The following ERI3 variants were observed in gnomAD, a reference collection of about 807,000 sequenced individuals.
ERI3 encodes ERI1 exoribonuclease family member 3, also known as ERI1 exoribonuclease 3.
ERI3 carries 18 observed loss-of-function variants against 44.4 expected under a neutral mutation model. The observed-to-expected ratio is 0.41, with a 90% CI of 0.28 to 0.60. The LOEUF is 0.60. Ranked by LOEUF, ERI3 falls within the 20% of genes least tolerant of loss-of-function variation. The pLI, the probability that ERI3 is intolerant of heterozygous loss-of-function variation, is 0.36. For missense variants in ERI3, 294 were observed against 435.5 expected (o/e 0.68, Z 2.89); for synonymous variants, 183 against 164.8 (o/e 1.11, Z -0.84).
At chr1:44,257,693 T>TCTG (rs1557793027) in intron 7 of ERI3, among the ~76,000 whole-genome samples, 1 of 152,190 alleles carries the variant, frequency 6.6e-6, no homozygotes, top group African/African-American at 2.4e-5. Context: ...CAGAATTCCC[T>TCTG]CTGCTACTGC....
chr1:44,262,355 T>C (rs1644911651), intron 7 of ERI3, among the ~76,000 whole-genome samples: 2 of 152,202 alleles, frequency 1.3e-5, no homozygotes, highest in African/African-American at 4.8e-5. Flanking sequence ...ACTCCCTCTC[T>C]GGAAATCCAG....
At chr1:44,295,360 T>A (rs1437046645) in intron 6 of ERI3, among the ~76,000 whole-genome samples, 4 of 152,250 alleles carry the variant, frequency 2.6e-5, no homozygotes, top group African/African-American at 9.6e-5. Flanking sequence ...AGCATTTGTG[T>A]TGTGCCTTCA....
chr1:44,250,767 A>G (rs927653294), intron 7 of ERI3, among the ~76,000 whole-genome samples: 1 of 152,152 alleles, frequency 6.6e-6, no homozygotes, highest in African/African-American at 2.4e-5. Flanking sequence ...GCGCATGCAC[A>G]TGGGTCTGCC....
intron 7 of ERI3, among the ~76,000 whole-genome samples, chr1:44,277,688 C>T (rs1645206263): frequency 6.6e-6 from 1 of 152,196 alleles, no homozygotes; most frequent in Non-Finnish European, 1.5e-5. Flanking sequence ...TTCTGCAATA[C>T]CACACTCTTA....
At chr1:44,288,191 G>A (rs951603446) in intron 6 of ERI3, among the ~76,000 whole-genome samples, 1 of 152,162 alleles carries the variant, frequency 6.6e-6, no homozygotes, top group Non-Finnish European at 1.5e-5. Flanking sequence ...ATATGGCTCA[G>A]CAGCAGTCCT....
At chr1:44,354,327 C>T in intron 1 of ERI3, 11 of 985,424 alleles carry the variant, frequency 1.1e-5, no homozygotes, top group Non-Finnish European at 1.3e-5. Flanking sequence ...AGGACAAAAT[C>T]CAAACCCCCA....
chr1:44,233,139 C>T (rs1644224655), intron 8 of ERI3, among the ~76,000 whole-genome samples: 1 of 152,192 alleles, frequency 6.6e-6, no homozygotes, highest in African/African-American at 2.4e-5. Context: ...AGTCATCAGC[C>T]TCAGCTGGGT....
At chr1:44,322,874 A>C (rs1373692651) in intron 3 of ERI3, 1 of 1,545,570 alleles carries the variant, frequency 6.5e-7, no homozygotes. Flanking sequence ...AACATTTTGA[A>C]GATTTTTAGC....
At chr1:44,329,648 A>G (rs190108300) in intron 3 of ERI3, among the ~76,000 whole-genome samples, 1 of 152,276 alleles carries the variant, frequency 6.6e-6, no homozygotes, top group African/African-American at 2.4e-5. Context: ...TTATTATCCT[A>G]TCTACCTAAC....
intron 3 of ERI3, among the ~76,000 whole-genome samples, chr1:44,330,266 C>A (rs1341871759): frequency 1.3e-5 from 2 of 152,248 alleles, no homozygotes; most frequent in African/African-American, 4.8e-5. Flanking sequence ...CCTCTGCCAG[C>A]ACCTAACCCT....
chr1:44,335,771 C>A (rs1236831211), intron 3 of ERI3, among the ~76,000 whole-genome samples: 3 of 143,420 alleles, frequency 2.1e-5, no homozygotes, highest in African/African-American at 7.7e-5. Flanking sequence ...AGCGAAACTC[C>A]ATCTCAAAAA....
rs756054000 is a variant in ERI3, at chr1:44,221,664, G to A, written c.932-24C>T. 1 of 1,598,286 alleles carries A rather than the reference G, an allele frequency of 6.3e-7. No homozygotes were observed. Among genetic ancestry groups the A allele is most frequent in the Non-Finnish European group, 8.6e-7 (1 of 1,165,566 alleles). ...GTCTAAAAAGGAGAGAAGACATTTA[G>A]ATCAGCCCCAGATCCTTCCCCTCCA... On this transcript the variant is annotated intron_variant, in intron 8 of 8. Coordinates refer to ENST00000372257, the MANE Select transcript of ERI3 (RefSeq NM_024066.3). The surrounding 1 kb of genome is among the most constrained non-coding windows in gnomAD (Gnocchi z 5.9).
chr1:44,351,438 C>T (rs544791557), intron 2 of ERI3, among the ~76,000 whole-genome samples: 2 of 152,314 alleles, frequency 1.3e-5, no homozygotes, highest in East Asian at 3.9e-4. Flanking sequence ...AACTATGTCC[C>T]ATGGGCCAAA....
In ERI3 at chr1:44,241,867, C is replaced by T; in HGVS notation, c.931+6072G>A. Reference sequence around the variant, plus strand: ...ACATACATACAGGAGAACCTTCTTCCATCCATCTGTCCATCAACTCACCCA... The same window carrying T: ...ACATACATACAGGAGAACCTTCTTCTATCCATCTGTCCATCAACTCACCCA... On this transcript the variant is annotated intron_variant, in intron 8 of 8. Transcript: ENST00000372257. The surrounding 1 kb of genome is among the most constrained non-coding windows in gnomAD (Gnocchi z 5.6). 1.4e-6 allele frequency: 1 copy of T among 734,244 alleles called. No homozygotes were observed. Among genetic ancestry groups the T allele is most frequent in the Non-Finnish European group, 1.7e-6 (1 of 600,746 alleles). The allele number at this position is 734,244 out of a possible 1,614,324, so 45.5% of individuals were successfully genotyped here.
At chr1:44,257,240 G>A (rs926837808) in intron 7 of ERI3, among the ~76,000 whole-genome samples, 3 of 151,778 alleles carry the variant, frequency 2.0e-5, no homozygotes, top group Middle Eastern at 3.2e-3. Flanking sequence ...TGCACTAATC[G>A]CATTATTACA....
At position 44,252,528 on chromosome 1, in the gene ERI3, C is replaced by T. The variant is rs142001904; in HGVS notation, c.832-4490G>A. On this transcript the variant is annotated intron_variant, in intron 7 of 8. Coordinates refer to ENST00000372257, the MANE Select transcript of ERI3 (RefSeq NM_024066.3). The surrounding 1 kb of genome is among the most constrained non-coding windows in gnomAD (Gnocchi z 4.7). ...CGCAGCCTGCTATTACATGCAAACA[C>T]TGATCGCCCTGTGAAATTACATTGC... Among the ~76,000 whole-genome samples, 145 of 152,340 alleles carry T rather than the reference C, an allele frequency of 9.5e-4. No homozygotes were observed. Among genetic ancestry groups the T allele is most frequent in the African/African-American group, 3.3e-3 (136 of 41,584 alleles).
At chr1:44,232,715 G>A (rs1360741901) in intron 8 of ERI3, among the ~76,000 whole-genome samples, 3 of 152,154 alleles carry the variant, frequency 2.0e-5, no homozygotes, top group East Asian at 1.9e-4. Flanking sequence ...TTTCCCTTTA[G>A]GTATCATTCC....
At chr1:44,256,696 G>A (rs572220766) in intron 7 of ERI3, 1 of 152,380 alleles carries the variant, frequency 6.6e-6, no homozygotes, top group African/African-American at 2.4e-5. Flanking sequence ...TATGCCACAG[G>A]TCTAAGTCCC....
chr1:44,273,837 C>T (rs1008882328), intron 7 of ERI3, among the ~76,000 whole-genome samples: 15 of 152,110 alleles, frequency 9.9e-5, no homozygotes, highest in Non-Finnish European at 2.2e-4. Flanking sequence ...GAAAAGGGAA[C>T]AGTATATGTA....
Sources: gnomAD v4.1 joint callset for allele counts (sites outside exome capture counted in the v4.1 genomes callset) on GRCh38, gnomAD v4.1.1 for gene constraint, Gnocchi (gnomAD v3.1) non-coding constraint, MANE v1.5 for transcripts, NCBI Gene and HGNC (gene_info 2026-07-23, HGNC 2026-07-21) for gene names.